The following LIG1 variants were observed in gnomAD, a reference collection of about 807,000 sequenced individuals.
LIG1 encodes DNA ligase 1.
LIG1 carries 70 observed loss-of-function variants against 115.7 expected under a neutral mutation model. The observed-to-expected ratio is 0.60, with a 90% CI of 0.50 to 0.74. LIG1 has a LOEUF of 0.74. Among genes scored for constraint, LIG1 ranks in the 30% least tolerant of loss-of-function variants. The pLI is 0.00. For missense variants in LIG1, 1,115 were observed against 1,225.6 expected (o/e 0.91, Z 1.35); for synonymous variants, 487 against 495.3 (o/e 0.98, Z 0.22).
At chr19:48,143,796 C>A in intron 10 of LIG1, 87 bp downstream of exon 10, 1 of 1,242,500 alleles carries the variant, frequency 8.0e-7, no homozygotes, top group South Asian at 1.2e-5. Flanking sequence ...GAGACTTGAC[C>A]ATTTCTCCCA....
At chr19:48,170,182 A>G (rs972105160) in intron 1 of LIG1, 59 bp downstream of exon 1, 8 of 454,736 alleles carry the variant, frequency 1.8e-5, no homozygotes, top group African/African-American at 1.0e-4. Context: ...ATAGGCCCCA[A>G]GCATTCGGCG....
intron 9 of LIG1, chr19:48,145,789 G>C (rs980905828): frequency 1.3e-5 from 2 of 152,236 alleles, no homozygotes; most frequent in African/African-American, 4.8e-5. Context: ...CAGTTACCGT[G>C]ACAACATGCT....
intron 26 of LIG1, 192 bp from the exon 27 acceptor site, chr19:48,116,157 C>T (rs1704045979): frequency 1.6e-6 from 1 of 608,378 alleles, no homozygotes; most frequent in South Asian, 1.8e-5. Context: ...GAAATGCTGC[C>T]TGTTGGCCGG....
At position 48,115,643 on chromosome 19, in the gene LIG1, G is replaced by C. The variant is rs1237960454; in HGVS notation, c.*6C>G. ...CCCTGTACCCAGGCCCTAGGAGGGC[G>C]AGGGCTTAGTAGGTATCTTCAGGGT... On this transcript the variant is annotated 3_prime_UTR_variant, in exon 28 of 28. Coordinates refer to ENST00000263274, the MANE Select transcript of LIG1 (RefSeq NM_000234.3). The C allele has an allele frequency of 6.2e-7, 1 of 1,603,422 alleles. No homozygotes were observed. Among genetic ancestry groups the C allele is most frequent in the Non-Finnish European group, 8.5e-7 (1 of 1,170,356 alleles).
At chr19:48,154,186 C>T (rs2035689078) in intron 5 of LIG1, 4 of 573,384 alleles carry the variant, frequency 7.0e-6, no homozygotes, top group East Asian at 3.4e-5. Flanking sequence ...CTGTGCTTTG[C>T]TCTCTCACGA....
intron 7 of LIG1, among the ~76,000 whole-genome samples, 162 bp downstream of exon 7, chr19:48,151,070 A>T (rs990423703): frequency 6.9e-6 from 1 of 145,642 alleles, no homozygotes; most frequent in African/African-American, 2.6e-5. Context: ...AATAATAATT[A>T]AAAAAAAAAA....
At position 48,136,992 on chromosome 19, in the gene LIG1, A is replaced by G. The variant is rs759589163; in HGVS notation, c.1331+16T>C. 3.2e-5 allele frequency: 52 copies of G among 1,604,148 alleles called. No individual in the cohort carries two copies. Among genetic ancestry groups the G allele is most frequent in the Middle Eastern group, 1.7e-4 (1 of 6,046 alleles). ...CTGCAGTCCCCCTCTGTAGCCTCAC[A>G]GGCCCACACGCTTACCTAGCGATGA... On this transcript the variant is annotated intron_variant, in intron 14 of 27. Transcript: ENST00000263274.
intron 1 of LIG1, among the ~76,000 whole-genome samples, chr19:48,167,473 A>C (rs2036542571): frequency 6.6e-6 from 1 of 151,856 alleles, no homozygotes; most frequent in Non-Finnish European, 1.5e-5. Flanking sequence ...AGTCTCCACT[A>C]CTCTCTACAG....
intron 18 of LIG1, among the ~76,000 whole-genome samples, chr19:48,131,497 C>T (rs572574781): frequency 1.8e-4 from 27 of 152,320 alleles, no homozygotes; most frequent in African/African-American, 5.5e-4. Flanking sequence ...GGCGGAGTCT[C>T]GCCCAGGCTG....
intron 11 of LIG1, among the ~76,000 whole-genome samples, chr19:48,142,976 G>GC (rs2034870908): frequency 1.3e-5 from 2 of 152,198 alleles, no homozygotes; most frequent in Admixed American, 1.3e-4. Context: ...AAATACACAG[G>GC]GGCGAGTGCT....
intron 24 of LIG1, chr19:48,120,503 G>A (rs2033186128): frequency 1.0e-6 from 1 of 985,102 alleles, no homozygotes; most frequent in South Asian, 4.7e-5. Flanking sequence ...TTGTTGGAGA[G>A]GGGAATATAG....
rs1265266639 is a variant in LIG1 at position 48,143,559 on chromosome 19, C to G, written c.898G>C (p.Glu300Gln). The stretch of plus-strand genomic sequence containing the variant: ...ATTAGTTACCGAGCAGACACCTCCT[C>G]GATCTTCTCAAACGTCCGGGCCACA... ...LAVARTFEKI[E>Q]EVSARLRMVE... Residue 300 changes from glutamate to glutamine, a missense_variant, in exon 11 of 28, where the codon GAG becomes CAG. Physicochemically the swap from Glu to Gln is conservative, Grantham distance 29. Transcript: ENST00000263274. The G allele has an allele frequency of 6.9e-7, 1 of 1,457,484 alleles. No individual in the cohort carries two copies. The highest frequency in any genetic ancestry group is 1.1e-5 in the South Asian group (1 of 88,978). The allele number at this position is 1,457,484 out of a possible 1,614,324, so 90.3% of individuals were successfully genotyped here.
At chr19:48,160,556 A>G (rs564102657) in intron 4 of LIG1, among the ~76,000 whole-genome samples, 1 of 152,258 alleles carries the variant, frequency 6.6e-6, no homozygotes, top group African/African-American at 2.4e-5. Context: ...AGGGAGTCAC[A>G]GGACCTGACC....
At chr19:48,156,166 C>T (rs944461311) in intron 5 of LIG1, among the ~76,000 whole-genome samples, 25 of 152,338 alleles carry the variant, frequency 1.6e-4, no homozygotes, top group African/African-American at 5.8e-4. Context: ...TACACGCCAG[C>T]ACACCAGGCC....
chr19:48,137,116 TG>T lies in LIG1; in HGVS notation c.1255-33del. 1 of 1,568,506 alleles carries T rather than the reference TG, an allele frequency of 6.4e-7. No individual in the cohort carries two copies. The highest frequency in any genetic ancestry group is 8.8e-7 in the Non-Finnish European group (1 of 1,142,582). On this transcript the variant is annotated intron_variant, in intron 13 of 27. Coordinates refer to ENST00000263274, the MANE Select transcript of LIG1 (RefSeq NM_000234.3). The surrounding 1 kb of genome is among the most constrained non-coding windows in gnomAD (Gnocchi z 4.3). The stretch of plus-strand genomic sequence containing the variant: ...AGTCAGGGGAAGAGCCGTCAGTGCC[TG>T]GTGAAGGCAGGGACCACACCTCCAC...
At chr19:48,127,846 C>T in intron 20 of LIG1, 64 bp downstream of exon 20, 1 of 1,367,440 alleles carries the variant, frequency 7.3e-7, no homozygotes, top group East Asian at 2.3e-5. Context: ...GGACCCACAG[C>T]CAGGACTGGG....
chr19:48,123,773 A>G (rs1370886421), intron 21 of LIG1: 1 of 223,152 alleles, frequency 4.5e-6, no homozygotes, highest in Non-Finnish European at 9.0e-6. Flanking sequence ...GCACATCACA[A>G]GAGATCCACC....
Position 48,133,988 on chromosome 19 carries a change from C to G in LIG1, c.1602G>C (p.Leu534=), listed in dbSNP as rs3730982. Reference sequence around the variant, plus strand: ...CGCCCCTGGGGCCTGTACCTGGGCTCAGCTTGCAGTGCTCCGGGAGACGTT... The same window carrying G: ...CGCCCCTGGGGCCTGTACCTGGGCTGAGCTTGCAGTGCTCCGGGAGACGTT... ...GLERLPEHCK[L]SPGIPLKPML... is the part of the protein sequence containing the mutation. Residue 534 remains leucine, a synonymous_variant, in exon 17 of 28, where the codon CTG becomes CTC. Transcript: ENST00000263274. The G allele has an allele frequency of 2.6e-4, 409 of 1,553,706 alleles. 1 individual carries two copies. Among genetic ancestry groups the G allele is most frequent in the Admixed American group, 6.4e-4 (33 of 51,302 alleles).
intron 21 of LIG1, among the ~76,000 whole-genome samples, chr19:48,125,742 C>T (rs1335975269): frequency 5.9e-5 from 9 of 151,880 alleles, no homozygotes; most frequent in Admixed American, 3.9e-4. Context: ...TAAATCCCAG[C>T]ACTTTGGGAG....
Sources: allele counts gnomAD v4.1 joint callset (sites outside exome capture counted in the v4.1 genomes callset), GRCh38; gene constraint gnomAD v4.1.1; non-coding constraint Gnocchi (gnomAD v3.1); transcripts MANE v1.5; gene names NCBI Gene and HGNC (gene_info 2026-07-23, HGNC 2026-07-21).